RNASET2: variants seen among roughly 807,000 people sequenced by gnomAD.
RNASET2 encodes ribonuclease 6.
Under a neutral mutation model 33.9 loss-of-function variants are expected in RNASET2, and 28 were observed. The ratio of observed to expected loss-of-function variants is 0.83; its 90% CI spans 0.61 to 1.13. The LOEUF is 1.13. RNASET2 is among the 50% of genes most tolerant of loss of function. The probability of loss-of-function intolerance (pLI) is 0.00; values close to 1 mark genes in which losing one functional copy is unlikely to be tolerated. For missense variants in RNASET2, 330 were observed against 319.9 expected (o/e 1.03, Z -0.24); for synonymous variants, 123 against 121.0 (o/e 1.02, Z -0.11).
rs1473854818 is a variant in RNASET2, at chr6:166,927,701, C to G, written c.*1887G>C. Among the ~76,000 whole-genome samples, 3 of 107,614 alleles carry G rather than the reference C, an allele frequency of 2.8e-5. No homozygotes were observed. Among genetic ancestry groups the G allele is most frequent in the African/African-American group, 1.5e-4 (3 of 20,534 alleles). 70.6% of individuals were successfully genotyped at this position (107,614 alleles called of 152,430 possible). On this transcript the variant is annotated 3_prime_UTR_variant, in exon 9 of 9. Transcript: ENST00000508775. ...AAACCCAAGCCTTGATCCCTGTGTT[C>G]GCAAAATGACTCAAAAAAAAAAAAA...
chr6:166,931,844 C>T (rs754237378), intron 7 of RNASET2: 23 of 153,694 alleles, frequency 1.5e-4, no homozygotes, highest in Admixed American at 2.6e-4. Flanking sequence ...ACTCCTTCCA[C>T]GAAGCTCTCC....
At position 166,934,560 on chromosome 6, in the gene RNASET2, T is replaced by C. The variant is rs1778522454; in HGVS notation, c.447-424A>G. 1.3e-5 allele frequency: 3 copies of C among 239,042 alleles called. No individual in the cohort carries two copies. The South Asian group carries it at 1.7e-4, about 14-fold the overall frequency. The allele number at this position is 239,042 out of a possible 1,614,324, so 14.8% of individuals were successfully genotyped here. A position where few individuals can be genotyped will look rare whatever the true frequency, so the allele number is the denominator to read the frequency against. On this transcript the variant is annotated intron_variant, in intron 6 of 8. Transcript: ENST00000508775. The stretch of plus-strand genomic sequence containing the variant: ...GCGCCACATTACGACATTCAGTCAG[T>C]GAAGGCCTGCATGTACGAGGGCGGT...
Position 166,948,625 on chromosome 6 carries a change from T to G in RNASET2, c.148A>C (p.Lys50Gln). The G allele has an allele frequency of 6.4e-7, 1 of 1,558,688 alleles. No individual in the cohort carries two copies. The highest frequency in any genetic ancestry group is 1.1e-5 in the South Asian group (1 of 89,918). The change falls in exon 3 of 9, where the codon AAA becomes CAA. Residue 50 changes from lysine to glutamine, a missense_variant and splice_region_variant. Physicochemically the swap from Lys to Gln is moderately conservative, Grantham distance 53 (BLOSUM62 1). Transcript: ENST00000508775. The part of the protein sequence containing the change: ...VQHWPETVCE[K>Q]IQNDCRDPPD... ...GGGTCTCTACAGTCGTTTTGAATTT[T>G]CTAGGGAGAAAATATAACAAGAAAA...
chr6:166,937,243 T>C (rs1778590602), intron 6 of RNASET2, among the ~76,000 whole-genome samples: 1 of 152,138 alleles, frequency 6.6e-6, no homozygotes, highest in South Asian at 2.1e-4. Flanking sequence ...TTCAAGCCAT[T>C]CTCCTGCTTC....
At chr6:166,930,549 C>T (rs563199511) in intron 8 of RNASET2, among the ~76,000 whole-genome samples, 4 of 149,552 alleles carry the variant, frequency 2.7e-5, no homozygotes, top group East Asian at 4.0e-4. Context: ...TGCCCACATG[C>T]ATGTTCACAC....
At chr6:166,939,741 A>C (rs962706022) in intron 5 of RNASET2, among the ~76,000 whole-genome samples, 1 of 152,210 alleles carries the variant, frequency 6.6e-6, no homozygotes, top group Non-Finnish European at 1.5e-5. Flanking sequence ...CCCATTTTCC[A>C]TTTCAGCTTC....
chr6:166,935,723 G>A (rs1006675691), intron 6 of RNASET2, among the ~76,000 whole-genome samples: 1 of 152,164 alleles, frequency 6.6e-6, no homozygotes, highest in African/African-American at 2.4e-5. Context: ...TGTGGCCCAG[G>A]CTGGACTGCA....
chr6:166,952,563 GA>G lies in RNASET2; in HGVS notation c.87-16del. The G allele has an allele frequency of 6.2e-7, 1 of 1,605,150 alleles. No individual in the cohort carries two copies. The highest frequency in any genetic ancestry group is 8.5e-7 in the Non-Finnish European group (1 of 1,171,836). ...CATGGTTGTCACTGTTAAAACATAAGAAACTTATTTTTCAAGAACTTTTTTT... is the reference window on the plus strand; with the variant it reads ...CATGGTTGTCACTGTTAAAACATAAGAACTTATTTTTCAAGAACTTTTTTT... On this transcript the variant is annotated splice_polypyrimidine_tract_variant and intron_variant, in intron 1 of 8. Coordinates refer to ENST00000508775, the MANE Select transcript of RNASET2 (RefSeq NM_003730.6).
intron 7 of RNASET2, chr6:166,931,329 C>G: frequency 1.7e-6 from 1 of 594,446 alleles, no homozygotes; most frequent in Non-Finnish European, 3.0e-6. Flanking sequence ...CCACAAGCCG[C>G]TCGCTGCGGC....
In RNASET2 at chr6:166,933,982, G is replaced by A; in HGVS notation, c.492+109C>T. The A allele has an allele frequency of 1.2e-6, 1 of 805,370 alleles. No homozygotes were observed. The highest frequency in any genetic ancestry group is 2.3e-6 in the Non-Finnish European group (1 of 443,514). 49.9% of individuals were successfully genotyped at this position (805,370 alleles called of 1,614,324 possible). On this transcript the variant is annotated intron_variant, in intron 7 of 8. Transcript: ENST00000508775. This position sits in a 1 kb window ranked among gnomAD's most constrained non-coding sequence, Gnocchi z 4.1. ...TCACATGATAACATTTAAGTAGGAA[G>A]GGGGTTTGCACTGGGGCAATTTACA...
chr6:166,951,799 T>C (rs1351164468), intron 2 of RNASET2, among the ~76,000 whole-genome samples: 1 of 152,262 alleles, frequency 6.6e-6, no homozygotes, highest in Non-Finnish European at 1.5e-5. Context: ...TTCTTTATTA[T>C]ACTGGAACAG....
Position 166,922,579 on chromosome 6 carries a change from C to T in RNASET2, c.*7009G>A, listed in dbSNP as rs1309009240. Among the ~76,000 whole-genome samples the T allele has an allele frequency of 6.6e-6, 1 of 152,184 alleles. No individual in the cohort carries two copies. Among genetic ancestry groups the T allele is most frequent in the Non-Finnish European group, 1.5e-5 (1 of 68,034 alleles). Reference sequence around the variant, plus strand: ...TGCTCTAAAACATTCAGAGAAAAACCAATCGGGTGACATTTCAGTTTTGAT... The same window carrying T: ...TGCTCTAAAACATTCAGAGAAAAACTAATCGGGTGACATTTCAGTTTTGAT... On this transcript the variant is annotated 3_prime_UTR_variant, in exon 9 of 9. Transcript: ENST00000508775.
intron 6 of RNASET2, chr6:166,938,642 T>C (rs1341897837): frequency 1.4e-6 from 1 of 731,220 alleles, no homozygotes; most frequent in Non-Finnish European, 2.6e-6. Flanking sequence ...CCGACTCTGA[T>C]GATGAGATGG....
chr6:166,944,442 C>T lies in RNASET2; in HGVS notation c.262-1353G>A, dbSNP rs190862294. Among the ~76,000 whole-genome samples, 125 of 151,884 alleles carry T rather than the reference C, an allele frequency of 8.2e-4. No homozygotes were observed. In the East Asian group the frequency reaches 0.016, roughly 20 times the overall value. On this transcript the variant is annotated intron_variant, in intron 4 of 8. Coordinates refer to ENST00000508775, the MANE Select transcript of RNASET2 (RefSeq NM_003730.6). ...ACCCCACAGCCCCTGCCTGTGTGGG[C>T]GCAGCTCTGTCCCCCTCCTCTTCCC...
chr6:166,955,872 A>C, intron 1 of RNASET2: 1 of 729,762 alleles, frequency 1.4e-6, no homozygotes, highest in Non-Finnish European at 1.7e-6. Flanking sequence ...TGAGTGTGCT[A>C]AGGGCTCCCC....
At chr6:166,935,038 T>C (rs923224451) in intron 6 of RNASET2, 1 of 152,194 alleles carries the variant, frequency 6.6e-6, no homozygotes, top group African/African-American at 2.4e-5. Flanking sequence ...CACAAAGACT[T>C]AGACATCCTC....
intron 8 of RNASET2, among the ~76,000 whole-genome samples, chr6:166,930,670 CATGTATACTCATGCGCAT>C (rs1778406241): frequency 6.6e-6 from 1 of 150,592 alleles, no homozygotes; most frequent in African/African-American, 2.5e-5. Flanking sequence ...CACATGCGCA[CATGTATACTCATGCGCAT>C]ACAGCACATG....
chr6:166,925,197 C>A lies in RNASET2; in HGVS notation c.*4391G>T, dbSNP rs1403446612. 6.9e-6 allele frequency among the ~76,000 whole-genome samples: 1 copy of A among 144,308 alleles called. No homozygotes were observed. Among genetic ancestry groups the A allele is most frequent in the Non-Finnish European group, 1.5e-5 (1 of 66,900 alleles). 94.7% of individuals were successfully genotyped at this position (144,308 alleles called of 152,430 possible). On this transcript the variant is annotated 3_prime_UTR_variant, in exon 9 of 9. Transcript: ENST00000508775. ...CCCAGCCCTCACTCCTGCCGCCCAG[C>A]CCTCACCTCTGCTGTCCAGGCATCA...
intron 8 of RNASET2, among the ~76,000 whole-genome samples, chr6:166,930,733 C>T (rs563397276): frequency 3.8e-4 from 58 of 150,990 alleles, no homozygotes; most frequent in Non-Finnish European, 7.4e-4. Context: ...CAGCACATGC[C>T]CACATAATGT....
Sources: gnomAD v4.1 joint callset for allele counts (sites outside exome capture counted in the v4.1 genomes callset) on GRCh38, gnomAD v4.1.1 for gene constraint, Gnocchi (gnomAD v3.1) non-coding constraint, MANE v1.5 for transcripts, NCBI Gene and HGNC (gene_info 2026-07-23, HGNC 2026-07-21) for gene names.